RBM20: variants seen among roughly 807,000 people sequenced by gnomAD.
RBM20 encodes the protein RNA-binding protein 20.
A neutral mutation model predicts 110.1 loss-of-function variants in RBM20; 51 were observed. The observed-to-expected ratio is 0.46, with a 90% CI of 0.37 to 0.59. The LOEUF (loss-of-function observed/expected upper bound fraction) is 0.59, where lower values mean the gene tolerates loss of function less well. Ranked by LOEUF, RBM20 falls within the 20% of genes least tolerant of loss-of-function variation. The pLI, the probability that RBM20 is intolerant of heterozygous loss-of-function variation, is 0.00. For missense variants in RBM20, 1,512 were observed against 1,574.9 expected, an observed-to-expected ratio of 0.96 and a Z score of 0.68; for synonymous variants, 589 against 618.2, an observed-to-expected ratio of 0.95 and a Z score of 0.70.
chr10:110,691,727 T>G (rs1429524254), intron 1 of RBM20, among the ~76,000 whole-genome samples: 1 of 152,240 alleles, frequency 6.6e-6, no homozygotes, highest in Non-Finnish European at 1.5e-5. Flanking sequence ...GTGTGTTGTC[T>G]TTTTACTCTC....
At chr10:110,692,588 T>C (rs1862601932) in intron 1 of RBM20, among the ~76,000 whole-genome samples, 1 of 152,272 alleles carries the variant, frequency 6.6e-6, no homozygotes, top group Non-Finnish European at 1.5e-5. Flanking sequence ...TGAGTTGATA[T>C]TGTATCCTGC....
chr10:110,665,914 G>A (rs528961115), intron 1 of RBM20, among the ~76,000 whole-genome samples: 1 of 151,890 alleles, frequency 6.6e-6, no homozygotes, highest in East Asian at 1.9e-4. Context: ...CCAGGGGTTC[G>A]AGACCAGCCT....
rs186143003 is a variant in RBM20, at chr10:110,685,668, G to A, written c.191+41023G>A. The stretch of plus-strand genomic sequence containing the variant: ...AGTTCTACCGTTGGTATATGGTATA[G>A]GTATTTTTAATGCCTAGAAAGGGAA... On this transcript the variant is annotated intron_variant, in intron 1 of 13. Transcript: ENST00000369519. 3.5e-3 allele frequency among the ~76,000 whole-genome samples: 534 copies of A among 152,214 alleles called. 12 individuals carry two copies. Among genetic ancestry groups the A allele is most frequent in the Non-Finnish European group, 1.1e-3 (72 of 68,016 alleles).
chr10:110,752,783 C>T (rs919502343), intron 1 of RBM20, among the ~76,000 whole-genome samples: 1 of 151,872 alleles, frequency 6.6e-6, no homozygotes, highest in South Asian at 2.1e-4. Flanking sequence ...CCTCAGCCAT[C>T]CCAGCCTCCT....
intron 9 of RBM20, among the ~76,000 whole-genome samples, chr10:110,818,309 C>CAAAAA (rs1466741507): frequency 0.012 from 1,386 of 119,484 alleles, 60 homozygotes; most frequent in Non-Finnish European, 0.017. Flanking sequence ...AAAAAAAAAC[C>CAAAAA]AAAACGACAA....
At chr10:110,802,477 C>G (rs1319081178) in intron 7 of RBM20, among the ~76,000 whole-genome samples, 1 of 150,206 alleles carries the variant, frequency 6.7e-6, no homozygotes, top group Non-Finnish European at 1.5e-5. Context: ...AGTTCCTGGT[C>G]TCCTGGATTC....
chr10:110,712,545 TCAC>T (rs1862949899), intron 1 of RBM20, among the ~76,000 whole-genome samples: 2 of 152,278 alleles, frequency 1.3e-5, no homozygotes, highest in African/African-American at 4.8e-5. Flanking sequence ...GGCGGGTGGA[TCAC>T]TTGAGGTCAG....
At chr10:110,658,706 C>T (rs1432649340) in intron 1 of RBM20, among the ~76,000 whole-genome samples, 2 of 152,036 alleles carry the variant, frequency 1.3e-5, no homozygotes, top group Non-Finnish European at 2.9e-5. Flanking sequence ...TGTGGCTTCT[C>T]CTGGCCTTTA....
At chr10:110,785,932 G>A (rs1590678347) in intron 5 of RBM20, among the ~76,000 whole-genome samples, 1 of 152,168 alleles carries the variant, frequency 6.6e-6, no homozygotes, top group Non-Finnish European at 1.5e-5. Flanking sequence ...TAAGGACTAC[G>A]CACCAGTAGC....
At chr10:110,831,025 C>CCTAA in intron 12 of RBM20, 36 bp from the exon 13 acceptor site, 1 of 1,537,012 alleles carries the variant, frequency 6.5e-7, no homozygotes, top group South Asian at 1.2e-5. Flanking sequence ...CCCATGCCAT[C>CCTAA]CTAACCCTGC....
intron 1 of RBM20, among the ~76,000 whole-genome samples, chr10:110,687,631 G>A (rs374695963): frequency 9.2e-5 from 14 of 152,300 alleles, no homozygotes; most frequent in Non-Finnish European, 1.2e-4. Context: ...GTGATTTTGC[G>A]TAACAAACCA....
chr10:110,800,276 A>G (rs995466299), intron 7 of RBM20, among the ~76,000 whole-genome samples: 1 of 151,890 alleles, frequency 6.6e-6, no homozygotes, highest in African/African-American at 2.4e-5. Context: ...CTTCAGTAAC[A>G]TTTTCTTCTT....
At chr10:110,802,849 A>G (rs144282253) in intron 7 of RBM20, among the ~76,000 whole-genome samples, 1 of 152,334 alleles carries the variant, frequency 6.6e-6, no homozygotes, top group East Asian at 1.9e-4. Flanking sequence ...CCTATCCTAG[A>G]TTGGAAGATG....
At chr10:110,765,826 T>C (rs992740415) in intron 1 of RBM20, among the ~76,000 whole-genome samples, 3 of 152,170 alleles carry the variant, frequency 2.0e-5, no homozygotes, top group African/African-American at 7.2e-5. Context: ...TTCTGCCTTA[T>C]ATACATTGGA....
rs535988284 is a variant in RBM20, at chr10:110,725,843, C to T, written c.192-54958C>T. Among the ~76,000 whole-genome samples, 9 of 152,334 alleles carry T rather than the reference C, an allele frequency of 5.9e-5. No individual in the cohort carries two copies. In the South Asian group the frequency reaches 8.3e-4, roughly 14 times the overall value. ...TATAGGAAGCTGAGAGCATTGGTCACGCCAGTTCTCTGAGACGGGAGGCAG... is the reference window on the plus strand; with the variant it reads ...TATAGGAAGCTGAGAGCATTGGTCATGCCAGTTCTCTGAGACGGGAGGCAG... On this transcript the variant is annotated intron_variant, in intron 1 of 13. Transcript: ENST00000369519.
intron 7 of RBM20, among the ~76,000 whole-genome samples, chr10:110,801,700 C>CTTTTTTTTTTTTTT (rs61281177): frequency 1.7e-5 from 2 of 116,762 alleles, no homozygotes; most frequent in Non-Finnish European, 1.7e-5. Context: ...TGCCTGGCTA[C>CTTTTTTTTTTTTTT]TTTTTTTTTT....
chr10:110,688,111 CA>C (rs1320967995), intron 1 of RBM20, among the ~76,000 whole-genome samples: 2 of 151,638 alleles, frequency 1.3e-5, no homozygotes, highest in Non-Finnish European at 1.5e-5. Context: ...GGTGGTCTAA[CA>C]AATTAAAAAT....
intron 1 of RBM20, among the ~76,000 whole-genome samples, chr10:110,708,273 C>A (rs557098448): frequency 1.1e-4 from 16 of 152,226 alleles, no homozygotes; most frequent in African/African-American, 3.9e-4. Context: ...ATGAGCTGGT[C>A]CTATATATCA....
chr10:110,729,322 C>T (rs554636552), intron 1 of RBM20, among the ~76,000 whole-genome samples: 72 of 152,290 alleles, frequency 4.7e-4, no homozygotes, highest in Non-Finnish European at 1.5e-5. Context: ...TTGTCTCTTC[C>T]TTCAGGTCCT....
Sources: gnomAD v4.1 joint callset for allele counts (sites outside exome capture counted in the v4.1 genomes callset) on GRCh38, gnomAD v4.1.1 for gene constraint, MANE v1.5 for transcripts, NCBI Gene and HGNC (gene_info 2026-07-23, HGNC 2026-07-21) for gene names.